Variants in FBXW10B observed in about 807,000 individuals in gnomAD.
FBXW10B encodes the protein F-box and WD repeat domain containing protein 10B.
chr17:15,587,277 C>A, the FBXW10B span, among the ~76,000 whole-genome samples: 1 of 151,166 alleles, frequency 6.6e-6, no homozygotes. Flanking sequence ...AAGAGATGGC[C>A]CAGGAACAGG....
At chr17:15,597,356 A>C in the FBXW10B span, among the ~76,000 whole-genome samples, 5 of 150,948 alleles carry the variant, frequency 3.3e-5, 1 homozygote, top group East Asian at 3.9e-4. Flanking sequence ...TGCCGGGCCC[A>C]GTGGCTCATG....
At chr17:15,615,843 T>C in the FBXW10B span, 13 of 1,613,640 alleles carry the variant, frequency 8.1e-6, no homozygotes, top group Admixed American at 2.2e-4. Flanking sequence ...AGGTTGCTCT[T>C]GAAGTGGGTG....
At chr17:15,598,236 GC>G in the FBXW10B span, among the ~76,000 whole-genome samples, 1 of 151,960 alleles carries the variant, frequency 6.6e-6, no homozygotes, top group African/African-American at 2.4e-5. Context: ...GAGACAATGA[GC>G]CCTTTGAAGA....
chr17:15,612,279 G>A, the FBXW10B span, among the ~76,000 whole-genome samples: 2 of 152,068 alleles, frequency 1.3e-5, no homozygotes, highest in Non-Finnish European at 2.9e-5. Context: ...AGGCCGAGGC[G>A]GGCGGATCAC....
At chr17:15,604,011 C>T in the FBXW10B span, among the ~76,000 whole-genome samples, 16,287 of 126,762 alleles carry the variant, frequency 0.13, 1,211 homozygotes, top group East Asian at 0.26. Context: ...ACCTGGGAGG[C>T]GGAGCTTGCA....
chr17:15,617,313 C>G, the FBXW10B span, among the ~76,000 whole-genome samples: 2 of 152,250 alleles, frequency 1.3e-5, no homozygotes, highest in Admixed American at 6.5e-5. Flanking sequence ...TCAGGTCGCA[C>G]TGGTGACAGG....
At chr17:15,605,805 T>G in the FBXW10B span, among the ~76,000 whole-genome samples, 1 of 151,306 alleles carries the variant, frequency 6.6e-6, no homozygotes, top group African/African-American at 2.4e-5. Context: ...CACACTGTAT[T>G]TCTTTTCTTT....
the FBXW10B span, among the ~76,000 whole-genome samples, chr17:15,603,182 C>T: frequency 6.6e-6 from 1 of 151,574 alleles, no homozygotes; most frequent in African/African-American, 2.4e-5. Context: ...CCGCGCCTGG[C>T]CCATATTGAG....
the FBXW10B span, among the ~76,000 whole-genome samples, chr17:15,585,943 C>CTTT: frequency 0.016 from 2,140 of 137,148 alleles, 21 homozygotes; most frequent in Admixed American, 0.027. Flanking sequence ...TCATTTTCTT[C>CTTT]TTTTTTTTTT....
the FBXW10B span, among the ~76,000 whole-genome samples, chr17:15,596,019 C>T: frequency 6.6e-6 from 1 of 150,620 alleles, no homozygotes; most frequent in Non-Finnish European, 1.5e-5. Flanking sequence ...GCTGAGGTTA[C>T]AAGCGCCCAC....
the FBXW10B span, among the ~76,000 whole-genome samples, chr17:15,579,224 T>C: frequency 3.3e-5 from 5 of 152,232 alleles, no homozygotes; most frequent in Admixed American, 3.3e-4. Flanking sequence ...AATGTAATTA[T>C]GCCAAATATA....
chr17:15,613,822 C>A, the FBXW10B span: 166 of 1,609,710 alleles, frequency 1.0e-4, no homozygotes, highest in East Asian at 3.5e-3. Context: ...CCCTCATACA[C>A]CCCAGCATAC....
chr17:15,604,597 C>T, the FBXW10B span, among the ~76,000 whole-genome samples: 23 of 152,208 alleles, frequency 1.5e-4, no homozygotes, highest in Middle Eastern at 3.4e-3. Context: ...TGCAGTGGCG[C>T]GATCTCGGCT....
chr17:15,612,970 A>G, the FBXW10B span: 1 of 988,898 alleles, frequency 1.0e-6, no homozygotes, highest in Non-Finnish European at 1.5e-6. Context: ...ACTTCTGGCC[A>G]GTTCCTCTGG....
At chr17:15,589,481 C>T in the FBXW10B span, among the ~76,000 whole-genome samples, 6 of 151,304 alleles carry the variant, frequency 4.0e-5, no homozygotes, top group Admixed American at 6.5e-5. Context: ...TTTCATCTCA[C>T]GAGCCAGCCT....
the FBXW10B span, among the ~76,000 whole-genome samples, chr17:15,578,636 G>A: frequency 0.17 from 25,178 of 151,968 alleles, 2,551 homozygotes; most frequent in Non-Finnish European, 0.23. Context: ...GGAGGGATTC[G>A]GTAGTTGGTC....
the FBXW10B span, among the ~76,000 whole-genome samples, chr17:15,604,800 G>C: frequency 6.6e-6 from 1 of 152,106 alleles, no homozygotes; most frequent in African/African-American, 2.4e-5. Flanking sequence ...GCCTCCCAAA[G>C]TGCTGGGATT....
At chr17:15,585,460 T>C in the FBXW10B span, among the ~76,000 whole-genome samples, 1 of 152,138 alleles carries the variant, frequency 6.6e-6, no homozygotes, top group African/African-American at 2.4e-5. Context: ...AATTTAACCA[T>C]GTCAAAGCAT....
the FBXW10B span, among the ~76,000 whole-genome samples, chr17:15,594,389 G>A: frequency 4.0e-5 from 6 of 149,390 alleles, no homozygotes; most frequent in East Asian, 2.0e-4. Flanking sequence ...GGAGAATAGC[G>A]TGAACCCAGG....
Sources: allele counts gnomAD v4.1 joint callset (sites outside exome capture counted in the v4.1 genomes callset), GRCh38; gene constraint gnomAD v4.1.1; transcripts MANE v1.5; gene names NCBI Gene and HGNC (gene_info 2026-07-23, HGNC 2026-07-21).